The following RYR3 variants were observed in gnomAD, a reference collection of about 807,000 sequenced individuals.
RYR3 encodes ryanodine receptor 3, also known as brain ryanodine receptor-calcium release channel.
In RYR3, 207 loss-of-function variants were observed where a neutral mutation model predicts 584.3. The ratio of observed to expected loss-of-function variants is 0.35; its 90% CI spans 0.32 to 0.40. RYR3 has a LOEUF of 0.40. Ranked by LOEUF, RYR3 falls within the 10% of genes least tolerant of loss-of-function variation. The pLI is 1.00. For synonymous variants in RYR3, 2,416 were observed against 2,248.5 expected, an observed-to-expected ratio of 1.07 and a Z score of -2.11; for missense variants, 5,616 against 6,089.2, an observed-to-expected ratio of 0.92 and a Z score of 2.59.
At chr15:33,372,252 C>T (rs1267093436) in intron 1 of RYR3, among the ~76,000 whole-genome samples, 1 of 151,906 alleles carries the variant, frequency 6.6e-6, no homozygotes, top group Non-Finnish European at 1.5e-5. Context: ...AGTGCAATGG[C>T]ATGATCTCGG....
chr15:33,574,741 G>C (rs943743880), intron 12 of RYR3, among the ~76,000 whole-genome samples: 16 of 152,160 alleles, frequency 1.1e-4, no homozygotes, highest in African/African-American at 3.1e-4. Context: ...TGGTGAATAA[G>C]CAAATATACT....
chr15:33,828,437 TAGGCCCCTTGCACTA>T (rs1157603195), intron 85 of RYR3, among the ~76,000 whole-genome samples: 6 of 152,232 alleles, frequency 3.9e-5, no homozygotes, highest in Non-Finnish European at 7.3e-5. Flanking sequence ...GGCCAAAGGC[TAGGCCCCTTGCACTA>T]AACAGCCAAG....
intron 1 of RYR3, among the ~76,000 whole-genome samples, chr15:33,473,040 C>A (rs1454431371): frequency 1.3e-5 from 2 of 152,192 alleles, no homozygotes; most frequent in Non-Finnish European, 1.5e-5. Context: ...TTCTCTGTTC[C>A]CTTCAATCCT....
intron 67 of RYR3, among the ~76,000 whole-genome samples, chr15:33,789,983 C>CTTATTTT (rs1567176157): frequency 2.5e-5 from 2 of 79,774 alleles, no homozygotes; most frequent in South Asian, 4.8e-4. Context: ...CACGCCTGGC[C>CTTATTTT]TTCTTTTTTT....
intron 86 of RYR3, among the ~76,000 whole-genome samples, chr15:33,832,488 C>G (rs986955860): frequency 2.0e-5 from 3 of 151,702 alleles, no homozygotes; most frequent in African/African-American, 7.3e-5. Flanking sequence ...AACCCCGTCT[C>G]TACTAAAAAA....
At position 33,644,529 on chromosome 15, in the gene RYR3, C is replaced by T. The variant is rs1394770441; in HGVS notation, c.3765+10C>T. On this transcript the variant is annotated intron_variant, in intron 28 of 103. Coordinates refer to ENST00000634891, the MANE Select transcript of RYR3 (RefSeq NM_001036.6). ...TCATCCACACATAGAGGTAATGTTACACAATGTGTGTGGCCCTGGCAGGTC... is the reference window on the plus strand; with the variant it reads ...TCATCCACACATAGAGGTAATGTTATACAATGTGTGTGGCCCTGGCAGGTC... 2 of 1,608,704 alleles carry T rather than the reference C, an allele frequency of 1.2e-6. No homozygotes were observed. The highest frequency in any genetic ancestry group is 1.1e-5 in the South Asian group (1 of 90,630).
chr15:33,543,630 C>T lies in RYR3; in HGVS notation c.655C>T (p.Leu219Phe). ...ATATAATTCTCTTACAGGATACCTA[C>T]TTGGTGGGCATGTAGTACGTCTTTT... ...SGSSIEEGYLLGGHVVRLFHG... is the reference protein window; with the variant it reads ...SGSSIEEGYLFGGHVVRLFHG... The change falls in exon 8 of 104, where the codon CTT becomes TTT. Residue 219 changes from leucine (L) to phenylalanine (F), a missense_variant. Around this residue, in one of 9 missense-constraint regions of RYR3, gnomAD observed 1,284 missense variants for 1,344.6 expected, o/e 0.95. Transcript: ENST00000634891. 6.2e-7 allele frequency: 1 copy of T among 1,601,412 alleles called. No individual in the cohort carries two copies. Among genetic ancestry groups the T allele is most frequent in the East Asian group, 2.2e-5 (1 of 44,822 alleles).
At position 33,562,845 on chromosome 15, in the gene RYR3, G is replaced by C. The variant is rs2057485264; in HGVS notation, c.981G>C (p.Lys327Asn). The C allele has an allele frequency of 1.2e-6, 2 of 1,611,598 alleles. No homozygotes were observed. The change falls in exon 11 of 104, where the codon AAG becomes AAC. Residue 327 changes from lysine (K) to asparagine (N), a missense_variant. Lys to Asn is a moderately conservative substitution (Grantham distance 94). Transcript: ENST00000634891. ...TTTTGTGTATGAATTAGGAACTCAAGGAGAAATTAGACTCCAGTCACAAGC... is the reference window on the plus strand; with the variant it reads ...TTTTGTGTATGAATTAGGAACTCAACGAGAAATTAGACTCCAGTCACAAGC... Reference protein sequence around the residue: ...AFSFRASKELKEKLDSSHKRD... With the variant: ...AFSFRASKELNEKLDSSHKRD...
At chr15:33,738,828 C>T (rs931602257) in intron 50 of RYR3, among the ~76,000 whole-genome samples, 2 of 152,168 alleles carry the variant, frequency 1.3e-5, no homozygotes, top group Non-Finnish European at 2.9e-5. Context: ...CAAAGCTGTA[C>T]GAGGGAAAGT....
chr15:33,323,026 T>G (rs1056990473), intron 1 of RYR3, among the ~76,000 whole-genome samples: 1 of 151,608 alleles, frequency 6.6e-6, no homozygotes, highest in African/African-American at 2.4e-5. Flanking sequence ...CATTTATGTT[T>G]GTAGAGCTGC....
intron 1 of RYR3, among the ~76,000 whole-genome samples, chr15:33,376,868 G>A (rs2040788452): frequency 6.6e-6 from 1 of 152,194 alleles, no homozygotes; most frequent in Non-Finnish European, 1.5e-5. Flanking sequence ...AGCACCACTT[G>A]TTGAAAATTT....
chr15:33,707,520 C>G (rs1177272610), intron 43 of RYR3, among the ~76,000 whole-genome samples: 1 of 152,096 alleles, frequency 6.6e-6, no homozygotes, highest in Non-Finnish European at 1.5e-5. Context: ...TATAACAACC[C>G]TAAATATTAT....
At chr15:33,817,056 C>T (rs754665633) in intron 75 of RYR3, 98 bp downstream of exon 75, 9 of 734,056 alleles carry the variant, frequency 1.2e-5, no homozygotes, top group South Asian at 1.7e-5. Context: ...CACAAGGAAT[C>T]GTGTGTATAC....
At chr15:33,653,851 T>A (rs1452946079) in intron 32 of RYR3, among the ~76,000 whole-genome samples, 1 of 152,192 alleles carries the variant, frequency 6.6e-6, no homozygotes, top group Non-Finnish European at 1.5e-5. Flanking sequence ...CTGCCACATA[T>A]CACATCCACC....
chr15:33,312,637 C>G (rs1429481090), intron 1 of RYR3, among the ~76,000 whole-genome samples: 1 of 152,154 alleles, frequency 6.6e-6, no homozygotes, highest in Non-Finnish European at 1.5e-5. Flanking sequence ...CAGGTTTTTT[C>G]TGCCTTGTGT....
At chr15:33,796,764 G>C (rs910003620) in intron 67 of RYR3, among the ~76,000 whole-genome samples, 9 of 152,162 alleles carry the variant, frequency 5.9e-5, no homozygotes, top group African/African-American at 2.2e-4. Flanking sequence ...CTACCCAAAG[G>C]AAATGGAATT....
chr15:33,638,032 C>G (rs1034574461), intron 27 of RYR3, among the ~76,000 whole-genome samples: 1 of 152,088 alleles, frequency 6.6e-6, no homozygotes, highest in East Asian at 1.9e-4. Context: ...CAAGGTTTTT[C>G]TAAGAGCCAA....
Position 33,530,565 on chromosome 15 carries a change from T to C in RYR3, c.280-27T>C. ...CGGAGAAGCCACAACGGGCATGTGC[T>C]GACCTTATTCTTCCTCATTCCCACA... On this transcript the variant is annotated intron_variant, in intron 3 of 103. Transcript: ENST00000634891. 5 of 1,565,742 alleles carry C rather than the reference T, an allele frequency of 3.2e-6. No homozygotes were observed. The South Asian group carries it at 5.6e-5, about 17-fold the overall frequency.
chr15:33,501,633 G>T (rs994727137), intron 2 of RYR3, among the ~76,000 whole-genome samples: 4 of 152,302 alleles, frequency 2.6e-5, no homozygotes, highest in Non-Finnish European at 4.4e-5. Flanking sequence ...TGAAATTCAG[G>T]TAGGCAGAGT....
Sources: allele counts gnomAD v4.1 joint callset (sites outside exome capture counted in the v4.1 genomes callset), GRCh38; gene constraint gnomAD v4.1.1; regional missense constraint gnomAD v4.1.1; transcripts MANE v1.5; gene names NCBI Gene and HGNC (gene_info 2026-07-23, HGNC 2026-07-21).